The following PCDH9 variants were observed in gnomAD, a reference collection of about 807,000 sequenced individuals.
PCDH9 encodes the protein protocadherin-9.
A neutral mutation model predicts 70.6 loss-of-function variants in PCDH9; 24 were observed. The observed-to-expected ratio is 0.34, with a 90% CI of 0.25 to 0.48. The LOEUF (loss-of-function observed/expected upper bound fraction) is 0.48, where lower values mean the gene tolerates loss of function less well. Among genes scored for constraint, PCDH9 ranks in the 20% least tolerant of loss-of-function variants. The pLI is 0.99. For missense variants in PCDH9, 1,281 were observed against 1,503.6 expected (o/e 0.85, Z 2.45); for synonymous variants, 562 against 558.5 (o/e 1.01, Z -0.09).
intron 4 of PCDH9, among the ~76,000 whole-genome samples, chr13:66,374,369 A>C (rs755572595): frequency 2.0e-5 from 3 of 151,946 alleles, no homozygotes; most frequent in Non-Finnish European, 4.4e-5. Flanking sequence ...AGATAGGAAA[A>C]ATGAGCGTGA....
intron 2 of PCDH9, among the ~76,000 whole-genome samples, chr13:67,182,504 G>C (rs1319748284): frequency 2.0e-5 from 3 of 151,686 alleles, no homozygotes; most frequent in Non-Finnish European, 4.4e-5. Context: ...CCTCACTAAA[G>C]TCAGTTCTAC....
chr13:66,461,807 A>G (rs1232080539), intron 4 of PCDH9, among the ~76,000 whole-genome samples: 1 of 151,886 alleles, frequency 6.6e-6, no homozygotes, highest in Non-Finnish European at 1.5e-5. Flanking sequence ...GTGAAGAAAA[A>G]TAGAATAGTA....
intron 4 of PCDH9, among the ~76,000 whole-genome samples, chr13:66,328,223 T>C (rs939256752): frequency 6.6e-6 from 1 of 152,176 alleles, no homozygotes; most frequent in Non-Finnish European, 1.5e-5. Flanking sequence ...CAGATTATTA[T>C]AATTTATTAC....
At chr13:66,560,405 C>G (rs1961957812) in intron 4 of PCDH9, among the ~76,000 whole-genome samples, 2 of 151,010 alleles carry the variant, frequency 1.3e-5, no homozygotes, top group African/African-American at 2.5e-5. Flanking sequence ...CCCTGAGGGA[C>G]CAACACAATG....
At chr13:66,777,881 C>A (rs1393629779) in intron 3 of PCDH9, among the ~76,000 whole-genome samples, 5 of 151,992 alleles carry the variant, frequency 3.3e-5, no homozygotes, top group African/African-American at 9.7e-5. Flanking sequence ...TGGAAACAAC[C>A]CAAATGTCCA....
chr13:67,063,832 T>C (rs983675415), intron 2 of PCDH9, among the ~76,000 whole-genome samples: 1 of 152,158 alleles, frequency 6.6e-6, no homozygotes, highest in Non-Finnish European at 1.5e-5. Context: ...TTTCTATTTC[T>C]TACAACACAA....
intron 4 of PCDH9, among the ~76,000 whole-genome samples, chr13:66,577,549 C>T (rs2076832112): frequency 6.6e-6 from 1 of 151,722 alleles, no homozygotes; most frequent in Non-Finnish European, 1.5e-5. Flanking sequence ...AGTCATTGTC[C>T]CTCGTCAGTC....
chr13:67,030,657 C>T (rs1335534227), intron 2 of PCDH9, among the ~76,000 whole-genome samples: 1 of 152,070 alleles, frequency 6.6e-6, no homozygotes, highest in Non-Finnish European at 1.5e-5. Flanking sequence ...TAAATGTGTA[C>T]AAATATTATA....
At chr13:67,098,019 A>T (rs1384766299) in intron 2 of PCDH9, among the ~76,000 whole-genome samples, 1 of 152,214 alleles carries the variant, frequency 6.6e-6, no homozygotes, top group Non-Finnish European at 1.5e-5. Context: ...TTAAACACAC[A>T]TATACATGCA....
intron 4 of PCDH9, among the ~76,000 whole-genome samples, chr13:66,321,326 A>C (rs1333520723): frequency 6.6e-6 from 1 of 152,098 alleles, no homozygotes; most frequent in East Asian, 1.9e-4. Context: ...TGAGCAGAGT[A>C]TAAACTAACT....
chr13:66,474,631 T>C (rs1391361275), intron 4 of PCDH9, among the ~76,000 whole-genome samples: 3 of 152,176 alleles, frequency 2.0e-5, no homozygotes, highest in African/African-American at 7.2e-5. Flanking sequence ...TAGTTTGTTA[T>C]AATTTTAAAA....
intron 4 of PCDH9, among the ~76,000 whole-genome samples, chr13:66,555,084 G>C (rs188725721): frequency 2.9e-4 from 44 of 152,208 alleles, no homozygotes; most frequent in African/African-American, 1.0e-3. Flanking sequence ...CAGGAGAATT[G>C]CTTGAACCCG....
intron 3 of PCDH9, among the ~76,000 whole-genome samples, chr13:66,830,436 C>T (rs577612215): frequency 1.1e-4 from 16 of 152,032 alleles, no homozygotes; most frequent in African/African-American, 3.6e-4. Flanking sequence ...GAATTCTCAA[C>T]GTTAATAAAT....
intron 2 of PCDH9, among the ~76,000 whole-genome samples, chr13:67,097,233 G>T (rs2086339636): frequency 6.6e-6 from 1 of 151,914 alleles, no homozygotes; most frequent in South Asian, 2.1e-4. Context: ...TCCAGCCTGG[G>T]CAATAGAGTG....
At chr13:66,847,255 T>C (rs539962562) in intron 3 of PCDH9, among the ~76,000 whole-genome samples, 2 of 152,332 alleles carry the variant, frequency 1.3e-5, no homozygotes, top group South Asian at 4.1e-4. Context: ...GTTTTCCTTT[T>C]TACTGTGATT....
At chr13:67,191,836 A>C (rs2088922306) in intron 2 of PCDH9, among the ~76,000 whole-genome samples, 1 of 152,188 alleles carries the variant, frequency 6.6e-6, no homozygotes, top group African/African-American at 2.4e-5. Context: ...GAAAGAAAGA[A>C]ATTGAACTAA....
In PCDH9 at chr13:67,226,746, C is replaced by G; in HGVS notation, c.1695G>C (p.Glu565Asp). Residue 565 changes from glutamate (E) to aspartate (D), a missense_variant, in exon 2 of 5, where the codon GAG (glutamate) becomes GAC (aspartate). Transcript: ENST00000377865. The surrounding 1 kb of genome is among the most constrained non-coding windows in gnomAD (Gnocchi z 5.0). ...GAGTAAACTTGGGGCTATTGTCATT[C>G]TCATCCAGAACAGTAACAATCACAG... ...QAAVIVTVLD[E>D]NDNSPKFTHN... The G allele has an allele frequency of 6.2e-7, 1 of 1,614,142 alleles. No individual in the cohort carries two copies. Among genetic ancestry groups the G allele is most frequent in the Middle Eastern group, 1.6e-4 (1 of 6,062 alleles).
intron 4 of PCDH9, among the ~76,000 whole-genome samples, chr13:66,451,246 A>G (rs1271485008): frequency 6.6e-6 from 1 of 152,228 alleles, no homozygotes; most frequent in East Asian, 1.9e-4. Context: ...GGAATACTTT[A>G]CAGAATAAAA....
In PCDH9 at chr13:66,752,984, A is replaced by T. The variant is rs185322351; in HGVS notation, c.3139-121573T>A. The stretch of plus-strand genomic sequence containing the variant: ...CTCAAAAGGAGTTCTCAAGTAGGCA[A>T]TTGGAGCCAGAGAGTGGAGTTTCAG... On this transcript the variant is annotated intron_variant, in intron 3 of 4. Coordinates refer to ENST00000377865, the MANE Select transcript of PCDH9 (RefSeq NM_203487.3). 3.8e-3 allele frequency among the ~76,000 whole-genome samples: 586 copies of T among 152,308 alleles called. 16 individuals are homozygous for T. The highest frequency in any genetic ancestry group is 1.7e-3 in the East Asian group (9 of 5,180).
Sources: gnomAD v4.1 joint callset for allele counts (sites outside exome capture counted in the v4.1 genomes callset) on GRCh38, gnomAD v4.1.1 for gene constraint, Gnocchi (gnomAD v3.1) non-coding constraint, MANE v1.5 for transcripts, NCBI Gene and HGNC (gene_info 2026-07-23, HGNC 2026-07-21) for gene names.